The following DNAI3 variants were observed in gnomAD, a reference collection of about 807,000 sequenced individuals.
DNAI3 encodes dynein axonemal intermediate chain 3.
DNAI3 carries 83 observed loss-of-function variants against 115.5 expected under a neutral mutation model. The observed-to-expected ratio is 0.72, with a 90% CI of 0.60 to 0.86. The LOEUF (loss-of-function observed/expected upper bound fraction) is 0.86. Among genes scored for constraint, DNAI3 ranks in the 40% least tolerant of loss-of-function variants. The probability of loss-of-function intolerance (pLI) is 0.00; values close to 1 mark genes in which losing one functional copy is unlikely to be tolerated. For missense variants in DNAI3, 1,004 were observed against 1,075.8 expected (o/e 0.93, Z 0.93); for synonymous variants, 320 against 347.0 (o/e 0.92, Z 0.86).
intron 5 of DNAI3, among the ~76,000 whole-genome samples, chr1:85,083,949 GC>G (rs1489962664): frequency 2.6e-5 from 4 of 151,548 alleles, no homozygotes; most frequent in Admixed American, 1.3e-4. Flanking sequence ...TACTCAGTCT[GC>G]AACTTCATTT....
chr1:85,108,234 C>T (rs1484889441), intron 15 of DNAI3, 57 bp downstream of exon 15: 5 of 1,467,938 alleles, frequency 3.4e-6, no homozygotes, highest in Non-Finnish European at 3.6e-6. Flanking sequence ...ATTTACTTTG[C>T]ATGCATAGAC....
At chr1:85,100,980 G>C (rs568783616) in intron 13 of DNAI3, among the ~76,000 whole-genome samples, 10 of 151,816 alleles carry the variant, frequency 6.6e-5, no homozygotes, top group African/African-American at 1.9e-4. Context: ...TTGTGGGGTG[G>C]GGGGAGGAGG....
intron 8 of DNAI3, among the ~76,000 whole-genome samples, chr1:85,091,224 A>C (rs1194517731): frequency 6.6e-6 from 1 of 152,212 alleles, no homozygotes; most frequent in Admixed American, 6.5e-5. Flanking sequence ...CTGTAAGAAT[A>C]TTCAAAATGA....
At chr1:85,127,939 C>A (rs1017558967) in intron 20 of DNAI3, among the ~76,000 whole-genome samples, 1 of 151,554 alleles carries the variant, frequency 6.6e-6, no homozygotes, top group Non-Finnish European at 1.5e-5. Context: ...AGCAACATGG[C>A]CAAGACCCTG....
In DNAI3 at chr1:85,095,958, T is replaced by A; in HGVS notation, c.1201T>A (p.Phe401Ile). 1.2e-6 allele frequency: 2 copies of A among 1,614,028 alleles called. No homozygotes were observed. The highest frequency in any genetic ancestry group is 2.2e-5 in the South Asian group (2 of 91,082). ...AATGCTGGAGAGCCCAGATGACATC[T>A]TCTGCTTCAAGTTCTGTCCGAGTGA... ...QLMLESPDDI[F>I]CFKFCPSDPN... The change falls in exon 11 of 23, where the codon TTC becomes ATC. Residue 401 changes from phenylalanine to isoleucine, a missense_variant. This residue lies in a region of DNAI3 where 550 missense variants were observed against 568.1 expected (regional missense o/e 0.97). Coordinates refer to ENST00000294664, the MANE Select transcript of DNAI3 (RefSeq NM_145172.5).
intron 4 of DNAI3, 32 bp downstream of exon 4, chr1:85,081,447 C>T (rs748495253): frequency 6.6e-7 from 1 of 1,507,558 alleles, no homozygotes; most frequent in Admixed American, 2.5e-5. Flanking sequence ...ATTTTCAGTC[C>T]TACCTCAAGA....
intron 16 of DNAI3, among the ~76,000 whole-genome samples, chr1:85,113,521 T>C (rs904370922): frequency 8.5e-5 from 13 of 152,254 alleles, no homozygotes; most frequent in African/African-American, 3.1e-4. Context: ...TCCATATATA[T>C]GTGAGTCTAT....
At chr1:85,109,019 G>A (rs1267789550) in intron 15 of DNAI3, among the ~76,000 whole-genome samples, 1 of 152,176 alleles carries the variant, frequency 6.6e-6, no homozygotes, top group Admixed American at 6.5e-5. Context: ...ATCAATAGAA[G>A]GAACTGGTAT....
At chr1:85,109,973 A>T (rs547677683) in intron 15 of DNAI3, 75 bp from the exon 16 acceptor site, 1 of 1,424,898 alleles carries the variant, frequency 7.0e-7, no homozygotes, top group South Asian at 1.2e-5. Context: ...AGCAGAAGGG[A>T]AAGGCAAGAA....
At position 85,128,742 on chromosome 1, in the gene DNAI3, T is replaced by C. The variant is rs781496511; in HGVS notation, c.2352T>C (p.Tyr784=). The change falls in exon 21 of 23, where the codon TAT becomes TAC. Residue 784 remains tyrosine, a synonymous_variant. Coordinates refer to ENST00000294664, the MANE Select transcript of DNAI3 (RefSeq NM_145172.5). ...AATTTATAGCCACAGCTGATTATTA[T>C]GGAACACTGCATATATTAGAAATTC... ...KQQFIATADY[Y]GTLHILEIPW... 1 of 1,612,046 alleles carries C rather than the reference T, an allele frequency of 6.2e-7. No individual in the cohort carries two copies. The highest frequency in any genetic ancestry group is 8.5e-7 in the Non-Finnish European group (1 of 1,179,640).
At chr1:85,119,623 C>T (rs1344152040) in intron 17 of DNAI3, among the ~76,000 whole-genome samples, 2 of 152,160 alleles carry the variant, frequency 1.3e-5, no homozygotes, top group Non-Finnish European at 2.9e-5. Flanking sequence ...CTATAAGATT[C>T]GTCCCCTGCC....
chr1:85,124,793 C>T (rs1019444666), intron 19 of DNAI3, among the ~76,000 whole-genome samples: 12 of 152,160 alleles, frequency 7.9e-5, no homozygotes, highest in African/African-American at 1.4e-4. Context: ...CTCGGCCTCC[C>T]GAAGTGCTGG....
At chr1:85,130,414 A>C (rs1488122176) in intron 22 of DNAI3, among the ~76,000 whole-genome samples, 1 of 152,192 alleles carries the variant, frequency 6.6e-6, no homozygotes, top group African/African-American at 2.4e-5. Flanking sequence ...TGAATAATGC[A>C]TTAAAGAAGG....
At chr1:85,098,778 T>C (rs996133186) in intron 13 of DNAI3, 120 bp downstream of exon 13, 4 of 1,437,044 alleles carry the variant, frequency 2.8e-6, no homozygotes, top group Non-Finnish European at 2.9e-6. Flanking sequence ...AACCAGGAAC[T>C]AAGCATCAAA....
At chr1:85,073,876 T>A (rs1232614539) in intron 3 of DNAI3, among the ~76,000 whole-genome samples, 1 of 151,974 alleles carries the variant, frequency 6.6e-6, no homozygotes. Flanking sequence ...GGAAAGATGG[T>A]GATGACCTGG....
chr1:85,133,125 AC>A lies in DNAI3; in HGVS notation c.*128del, dbSNP rs1656393395. 2 of 1,146,844 alleles carry A rather than the reference AC, an allele frequency of 1.7e-6. No individual in the cohort carries two copies. Among genetic ancestry groups the A allele is most frequent in the Admixed American group, 2.9e-5 (1 of 34,488 alleles). 71.0% of individuals were successfully genotyped at this position (1,146,844 alleles called of 1,614,324 possible). ...AGACTTTTATTTCCCTGCTATTAAAACTTTTGAATTTTAGCAATGAGATCTA... is the reference window on the plus strand; with the variant it reads ...AGACTTTTATTTCCCTGCTATTAAAATTTTGAATTTTAGCAATGAGATCTA... On this transcript the variant is annotated 3_prime_UTR_variant, in exon 23 of 23. Transcript: ENST00000294664.
intron 7 of DNAI3, among the ~76,000 whole-genome samples, chr1:85,089,877 C>A (rs1654920718): frequency 6.6e-6 from 1 of 152,008 alleles, no homozygotes; most frequent in African/African-American, 2.4e-5. Context: ...GAAATGATTT[C>A]TAGGTAAAAA....
chr1:85,119,128 T>C (rs1476582005), intron 17 of DNAI3, among the ~76,000 whole-genome samples: 3 of 152,248 alleles, frequency 2.0e-5, no homozygotes, highest in Non-Finnish European at 4.4e-5. Context: ...ATTTTTTTAA[T>C]TGTGGTAAAA....
intron 3 of DNAI3, among the ~76,000 whole-genome samples, chr1:85,079,326 A>T (rs554662943): frequency 2.0e-5 from 3 of 152,256 alleles, no homozygotes; most frequent in Non-Finnish European, 4.4e-5. Flanking sequence ...ATGTTATGCC[A>T]ACTGACTGCA....
Sources: allele counts gnomAD v4.1 joint callset (sites outside exome capture counted in the v4.1 genomes callset), GRCh38; gene constraint gnomAD v4.1.1; regional missense constraint gnomAD v4.1.1; transcripts MANE v1.5; gene names NCBI Gene and HGNC (gene_info 2026-07-23, HGNC 2026-07-21).